The following SNX29 variants were observed in gnomAD, a reference collection of about 807,000 sequenced individuals.
SNX29 encodes the protein sorting nexin 29, also known as sorting nexin-29.
SNX29 carries 78 observed loss-of-function variants against 102.1 expected under a neutral mutation model. The observed-to-expected ratio is 0.76, with a 90% CI of 0.64 to 0.92. The LOEUF is 0.92. SNX29 is among the 40% of genes least tolerant of loss of function. The pLI is 0.00. For missense variants in SNX29, 1,280 were observed against 1,061.7 expected (o/e 1.21, Z -2.86); for synonymous variants, 580 against 414.5 (o/e 1.40, Z -4.85).
intron 18 of SNX29, among the ~76,000 whole-genome samples, chr16:12,457,826 G>A (rs1214985990): frequency 2.6e-5 from 4 of 152,198 alleles, no homozygotes; most frequent in Non-Finnish European, 1.5e-5. Context: ...AGTACATTGG[G>A]TAAATTAACT....
At chr16:12,078,282 C>T (rs1015504279) in intron 10 of SNX29, among the ~76,000 whole-genome samples, 1 of 151,726 alleles carries the variant, frequency 6.6e-6, no homozygotes, top group African/African-American at 2.4e-5. Context: ...TGAGACCAGT[C>T]TGGCCAACTT....
chr16:12,531,416 G>T (rs977274957), intron 20 of SNX29, among the ~76,000 whole-genome samples: 1 of 152,210 alleles, frequency 6.6e-6, no homozygotes, highest in Non-Finnish European at 1.5e-5. Flanking sequence ...AAATGTTGCA[G>T]ACAGAAGGCA....
chr16:12,438,903 G>T (rs1191183213), intron 18 of SNX29, among the ~76,000 whole-genome samples: 1 of 152,202 alleles, frequency 6.6e-6, no homozygotes, highest in African/African-American at 2.4e-5. Context: ...GATCTACCTG[G>T]CTGCAGAGAG....
intron 14 of SNX29, among the ~76,000 whole-genome samples, chr16:12,254,523 C>T (rs1474070887): frequency 6.6e-6 from 1 of 152,036 alleles, no homozygotes; most frequent in African/African-American, 2.4e-5. Flanking sequence ...CACCTGTAAT[C>T]CCAGCTACTC....
intron 14 of SNX29, among the ~76,000 whole-genome samples, chr16:12,241,222 A>T (rs1483768888): frequency 6.6e-6 from 1 of 152,170 alleles, no homozygotes; most frequent in Non-Finnish European, 1.5e-5. Context: ...TATTGAGTAA[A>T]ATTCTTGTCT....
intron 14 of SNX29, among the ~76,000 whole-genome samples, chr16:12,256,430 C>T (rs565016667): frequency 2.0e-5 from 3 of 152,114 alleles, no homozygotes; most frequent in Non-Finnish European, 2.9e-5. Context: ...CTGGTTCAGG[C>T]GATTCTCCTG....
At chr16:12,375,591 G>C (rs952011988) in intron 16 of SNX29, 7 of 152,182 alleles carry the variant, frequency 4.6e-5, no homozygotes, top group African/African-American at 1.7e-4. Context: ...ACGGACTCTT[G>C]GACTGAGGGC....
At chr16:12,214,504 T>A (rs1420464445) in intron 14 of SNX29, among the ~76,000 whole-genome samples, 1 of 152,188 alleles carries the variant, frequency 6.6e-6, no homozygotes, top group African/African-American at 2.4e-5. Context: ...GTAAGGAAAC[T>A]GGTCATTTTG....
At chr16:12,220,069 C>G (rs2077435651) in intron 14 of SNX29, among the ~76,000 whole-genome samples, 1 of 152,236 alleles carries the variant, frequency 6.6e-6, no homozygotes, top group Admixed American at 6.5e-5. Context: ...TGCTGTTACT[C>G]CAGGGTCTCT....
intron 5 of SNX29, among the ~76,000 whole-genome samples, chr16:12,045,402 A>G (rs960285057): frequency 8.1e-6 from 1 of 124,042 alleles, no homozygotes; most frequent in African/African-American, 2.8e-5. Flanking sequence ...CTTAACAGGA[A>G]GACAGAGAGA....
rs118172335 is a variant in SNX29 at position 12,172,212 on chromosome 16, C to T, written c.1596-27389C>T. ...TGCTTGTCAGCTGAGAAGTAGGCCA[C>T]GTATGTTTCTGAAAAGGAAGATGGC... On this transcript the variant is annotated intron_variant, in intron 13 of 20. Coordinates refer to ENST00000566228, the MANE Select transcript of SNX29 (RefSeq NM_032167.5). Among the ~76,000 whole-genome samples the T allele has an allele frequency of 2.7e-3, 414 of 151,938 alleles. 1 individual carries two copies. The highest frequency in any genetic ancestry group is 5.2e-3 in the Non-Finnish European group (351 of 68,002).
chr16:12,251,557 G>C (rs1362085105), intron 14 of SNX29, among the ~76,000 whole-genome samples: 1 of 152,036 alleles, frequency 6.6e-6, no homozygotes, highest in Non-Finnish European at 1.5e-5. Context: ...ACAAAAATTA[G>C]CCGGGCATGG....
At chr16:12,421,954 T>G (rs1205336547) in intron 18 of SNX29, among the ~76,000 whole-genome samples, 1 of 151,772 alleles carries the variant, frequency 6.6e-6, no homozygotes, top group Non-Finnish European at 1.5e-5. Flanking sequence ...ATCACCATCA[T>G]CAACCACCCA....
At chr16:12,003,633 T>C (rs1285530408) in intron 3 of SNX29, among the ~76,000 whole-genome samples, 5 of 152,180 alleles carry the variant, frequency 3.3e-5, no homozygotes, top group Admixed American at 1.3e-4. Context: ...GCAGTAGGGG[T>C]AAGAATACTG....
chr16:12,536,372 G>C (rs546458846), intron 20 of SNX29, among the ~76,000 whole-genome samples: 7 of 152,106 alleles, frequency 4.6e-5, no homozygotes, highest in African/African-American at 1.7e-4. Context: ...GGTAAAGCTT[G>C]TTTATGACTT....
chr16:12,117,239 T>C (rs112952209), intron 11 of SNX29, among the ~76,000 whole-genome samples: 16,681 of 108,412 alleles, frequency 0.15, 353 homozygotes, highest in Middle Eastern at 0.22. Flanking sequence ...CGTGCTTCAA[T>C]GCGGACGAAC....
intron 18 of SNX29, among the ~76,000 whole-genome samples, chr16:12,458,430 T>C (rs1365187829): frequency 1.3e-5 from 2 of 152,220 alleles, no homozygotes; most frequent in Admixed American, 6.5e-5. Context: ...ATGCAGACAC[T>C]GAGTGGTCTT....
intron 13 of SNX29, among the ~76,000 whole-genome samples, chr16:12,131,836 A>C (rs1234834616): frequency 6.6e-6 from 1 of 152,266 alleles, no homozygotes; most frequent in Non-Finnish European, 1.5e-5. Flanking sequence ...TGGCGCTATG[A>C]TCCTATGTTG....
In SNX29 at chr16:12,572,359, GCT is replaced by G; in HGVS notation, c.*3733_*3734del. Reference sequence around the variant, plus strand: ...AGCCTGCCTGGTTGATGGACAGCAGGCTCTGCCTTCTGGAGGCGGCTTATATC... The same window carrying G: ...AGCCTGCCTGGTTGATGGACAGCAGGCTGCCTTCTGGAGGCGGCTTATATC... On this transcript the variant is annotated 3_prime_UTR_variant, in exon 21 of 21. Coordinates refer to ENST00000566228, the MANE Select transcript of SNX29 (RefSeq NM_032167.5). 1 of 1,063,082 alleles carries G rather than the reference GCT, an allele frequency of 9.4e-7. No individual in the cohort carries two copies. The highest frequency in any genetic ancestry group is 1.1e-6 in the Non-Finnish European group (1 of 877,832). 65.9% of individuals were successfully genotyped at this position (1,063,082 alleles called of 1,614,324 possible).
Sources: gnomAD v4.1 joint callset for allele counts (sites outside exome capture counted in the v4.1 genomes callset) on GRCh38, gnomAD v4.1.1 for gene constraint, MANE v1.5 for transcripts, NCBI Gene and HGNC (gene_info 2026-07-23, HGNC 2026-07-21) for gene names.